Variants in DAAM2 observed in about 807,000 individuals in gnomAD.
DAAM2 encodes the protein dishevelled associated activator of morphogenesis 2.
Under a neutral mutation model 120.7 loss-of-function variants are expected in DAAM2, and 39 were observed. The observed-to-expected ratio is 0.32, with a 90% confidence interval of 0.25 to 0.42. The LOEUF (loss-of-function observed/expected upper bound fraction) is 0.42, where lower values mean the gene tolerates loss of function less well. DAAM2 is among the 10% of genes least tolerant of loss of function. The probability of loss-of-function intolerance (pLI) is 1.00; values close to 1 mark genes in which losing one functional copy is unlikely to be tolerated. For missense variants in DAAM2, 1,283 were observed against 1,401.7 expected (o/e 0.92, Z 1.35); for synonymous variants, 488 against 524.9 (o/e 0.93, Z 0.96).
At chr6:39,804,257 T>A (rs1184417669) in intron 1 of DAAM2, among the ~76,000 whole-genome samples, 1 of 152,200 alleles carries the variant, frequency 6.6e-6, no homozygotes, top group Non-Finnish European at 1.5e-5. Context: ...CTGTTGAGAC[T>A]CTTCTGTTAA....
At chr6:39,820,785 T>A (rs1762463954) in intron 1 of DAAM2, 1 of 152,274 alleles carries the variant, frequency 6.6e-6, no homozygotes, top group Non-Finnish European at 1.5e-5. Context: ...TTTCCTCATC[T>A]GTAAAATGGG....
chr6:39,888,664 G>A lies in DAAM2; in HGVS notation c.2061-15G>A, dbSNP rs1562056679. ...TTTGAGGGCTGTCCTGGATTGAGGT[G>A]GGGTTTTGCCTTAGGTTGAAGCTTT... On this transcript the variant is annotated splice_polypyrimidine_tract_variant and intron_variant, in intron 16 of 24. Transcript: ENST00000274867. 2.5e-6 allele frequency: 4 copies of A among 1,612,210 alleles called. No homozygotes were observed. Among genetic ancestry groups the A allele is most frequent in the Non-Finnish European group, 3.4e-6 (4 of 1,178,684 alleles).
chr6:39,816,239 T>G (rs1268970348), intron 1 of DAAM2, among the ~76,000 whole-genome samples: 1 of 152,246 alleles, frequency 6.6e-6, no homozygotes, highest in Admixed American at 6.5e-5. Context: ...ATGCTGATAC[T>G]GCTTATCTGA....
rs1004368338 is a variant in DAAM2 at position 39,901,071 on chromosome 6, G to A, written c.2812-231G>A. Reference sequence around the variant, plus strand: ...GCCTACCCCTTACAGGCCCAGGGGTGGCTCTAAGGTGGACTGAGTGAGCCC... The same window carrying A: ...GCCTACCCCTTACAGGCCCAGGGGTAGCTCTAAGGTGGACTGAGTGAGCCC... On this transcript the variant is annotated intron_variant, in intron 23 of 24. Transcript: ENST00000274867. This position sits in a 1 kb window ranked among gnomAD's most constrained non-coding sequence, Gnocchi z 4.5. Among the ~76,000 whole-genome samples, 1 of 152,120 alleles carries A rather than the reference G, an allele frequency of 6.6e-6. No individual in the cohort carries two copies. The highest frequency in any genetic ancestry group is 1.5e-5 in the Non-Finnish European group (1 of 68,014).
Position 39,901,081 on chromosome 6 carries a change from T to C in DAAM2, c.2812-221T>C, listed in dbSNP as rs902127338. Among the ~76,000 whole-genome samples the C allele has an allele frequency of 6.6e-6, 1 of 151,996 alleles. No homozygotes were observed. Among genetic ancestry groups the C allele is most frequent in the African/African-American group, 2.4e-5 (1 of 41,380 alleles). On this transcript the variant is annotated intron_variant, in intron 23 of 24. Coordinates refer to ENST00000274867, the MANE Select transcript of DAAM2 (RefSeq NM_001201427.2). This position sits in a 1 kb window ranked among gnomAD's most constrained non-coding sequence, Gnocchi z 4.5. Reference sequence around the variant, plus strand: ...TACAGGCCCAGGGGTGGCTCTAAGGTGGACTGAGTGAGCCCAACTCTTTAC... The same window carrying C: ...TACAGGCCCAGGGGTGGCTCTAAGGCGGACTGAGTGAGCCCAACTCTTTAC...
intron 1 of DAAM2, among the ~76,000 whole-genome samples, chr6:39,815,643 C>T (rs1028236365): frequency 1.4e-4 from 14 of 100,380 alleles, no homozygotes; most frequent in Admixed American, 1.3e-3. Flanking sequence ...ACTCCCATAC[C>T]CCTGGTTTAC....
chr6:39,856,306 G>C lies in DAAM2; in HGVS notation c.4G>C (p.Ala2Pro). The stretch of plus-strand genomic sequence containing the variant: ...CGCCCCCTGGCCTGCAGTGACCATG[G>C]CCCCCCGCAAGAGGAGCCACCATGG... The part of the protein sequence containing the change: M[A>P]PRKRSHHGLG... The change falls in exon 2 of 25, where the codon GCC (alanine) becomes CCC (proline). Residue 2 changes from alanine (A) to proline (P), a missense_variant. By Grantham distance (27) the Ala-to-Pro change is conservative. Coordinates refer to ENST00000274867, the MANE Select transcript of DAAM2 (RefSeq NM_001201427.2). 6.5e-7 allele frequency: 1 copy of C among 1,529,016 alleles called. No homozygotes were observed. The allele number at this position is 1,529,016 out of a possible 1,614,324, so 94.7% of individuals were successfully genotyped here. A position where few individuals can be genotyped will look rare whatever the true frequency, so the allele number is the denominator to read the frequency against.
At chr6:39,869,083 G>A (rs1301675638) in intron 7 of DAAM2, 150 bp downstream of exon 7, 2 of 650,146 alleles carry the variant, frequency 3.1e-6, no homozygotes, top group African/African-American at 3.6e-5. Context: ...ATCATGCACG[G>A]TGGACAGACC....
chr6:39,899,024 C>A, intron 22 of DAAM2, 87 bp downstream of exon 22: 4 of 788,808 alleles, frequency 5.1e-6, no homozygotes, highest in Admixed American at 3.3e-5. Flanking sequence ...TACACAGGGG[C>A]AAAAAACAAT....
At chr6:39,882,719 GCACA>G (rs1055877250) in intron 14 of DAAM2, among the ~76,000 whole-genome samples, 3 of 87,770 alleles carry the variant, frequency 3.4e-5, no homozygotes, top group East Asian at 9.2e-4. Flanking sequence ...ACACACACAC[GCACA>G]CACACACACA....
rs1171248176 is a variant in DAAM2 at position 39,903,863 on chromosome 6, C to T, written c.*1826C>T. Reference sequence around the variant, plus strand: ...TGAGCAAGTGCAAGCCTGGCTGACACAGGTGTGAAGAGGCCATCCTGGAAC... The same window carrying T: ...TGAGCAAGTGCAAGCCTGGCTGACATAGGTGTGAAGAGGCCATCCTGGAAC... On this transcript the variant is annotated 3_prime_UTR_variant, in exon 25 of 25. Coordinates refer to ENST00000274867, the MANE Select transcript of DAAM2 (RefSeq NM_001201427.2). The T allele has an allele frequency of 3.6e-6, 1 of 275,420 alleles. No individual in the cohort carries two copies. The highest frequency in any genetic ancestry group is 2.2e-5 in the African/African-American group (1 of 45,160). The allele number at this position is 275,420 out of a possible 1,614,324, so 17.1% of individuals were successfully genotyped here. A position where few individuals can be genotyped will look rare whatever the true frequency, so the allele number is the denominator to read the frequency against.
In DAAM2 at chr6:39,903,109, A is replaced by G. The variant is rs1766584458; in HGVS notation, c.*1072A>G. 6.6e-6 allele frequency: 1 copy of G among 152,280 alleles called. No individual in the cohort carries two copies. The allele number at this position is 152,280 out of a possible 1,614,324, so 9.4% of individuals were successfully genotyped here. On this transcript the variant is annotated 3_prime_UTR_variant, in exon 25 of 25. Coordinates refer to ENST00000274867, the MANE Select transcript of DAAM2 (RefSeq NM_001201427.2). ...GCCTCTGTCCAGCCTGCAGGTGGCC[A>G]CTTGGAACCATGTGTCCACTGGCGT... is the stretch of plus-strand genomic sequence containing the variant.
At chr6:39,847,395 C>A (rs931113275) in intron 1 of DAAM2, among the ~76,000 whole-genome samples, 1 of 152,090 alleles carries the variant, frequency 6.6e-6, no homozygotes, top group Non-Finnish European at 1.5e-5. Flanking sequence ...ACAGCAACCC[C>A]GTCTGTGTGA....
At chr6:39,826,493 C>G (rs1762678773) in intron 1 of DAAM2, among the ~76,000 whole-genome samples, 1 of 152,090 alleles carries the variant, frequency 6.6e-6, no homozygotes, top group Non-Finnish European at 1.5e-5. Flanking sequence ...CTCTCTTTTT[C>G]ATTTCCAGTG....
In DAAM2 at chr6:39,792,524, T is replaced by G. The variant is rs1219568426; in HGVS notation, c.-57+59T>G. 3.3e-5 allele frequency: 5 copies of G among 152,218 alleles called. No individual in the cohort carries two copies. The East Asian group carries it at 9.8e-4, about 30-fold the overall frequency. The allele number at this position is 152,218 out of a possible 1,614,324, so 9.4% of individuals were successfully genotyped here. A position where few individuals can be genotyped will look rare whatever the true frequency, so the allele number is the denominator to read the frequency against. On this transcript the variant is annotated intron_variant, in intron 1 of 24. Transcript: ENST00000274867. ...GGGGCCCGGGCCGCGGGGAGCCCTCTCCGCTGGGCTCCCACACTTCTCTCC... is the reference window on the plus strand; with the variant it reads ...GGGGCCCGGGCCGCGGGGAGCCCTCGCCGCTGGGCTCCCACACTTCTCTCC...
intron 19 of DAAM2, among the ~76,000 whole-genome samples, chr6:39,892,173 G>A (rs566868572): frequency 6.6e-6 from 1 of 152,326 alleles, no homozygotes; most frequent in African/African-American, 2.4e-5. Context: ...GATTTCTAAA[G>A]GCATCTGATT....
At chr6:39,804,741 G>A (rs573530278) in intron 1 of DAAM2, among the ~76,000 whole-genome samples, 1 of 152,338 alleles carries the variant, frequency 6.6e-6, no homozygotes, top group African/African-American at 2.4e-5. Flanking sequence ...AAATGGAAAT[G>A]ACAGTAATAC....
chr6:39,857,205 A>T lies in DAAM2; in HGVS notation c.168+735A>T, dbSNP rs148986196. On this transcript the variant is annotated intron_variant, in intron 2 of 24. Transcript: ENST00000274867. ...CTTTGGAGGTCTGGTGGTGAGACAAAGTCTGCACACCAAGGGAGGTCCCAG... is the reference window on the plus strand; with the variant it reads ...CTTTGGAGGTCTGGTGGTGAGACAATGTCTGCACACCAAGGGAGGTCCCAG... 7.2e-5 allele frequency among the ~76,000 whole-genome samples: 11 copies of T among 152,314 alleles called. No individual in the cohort carries two copies. The East Asian group carries it at 2.1e-3, about 29-fold the overall frequency.
chr6:39,894,539 C>T (rs138930830), intron 19 of DAAM2, among the ~76,000 whole-genome samples: 126 of 134,248 alleles, frequency 9.4e-4, no homozygotes, highest in African/African-American at 3.3e-3. Context: ...CCAAACTTTA[C>T]CCCCCTCCCT....
Sources: gnomAD v4.1 joint callset for allele counts (sites outside exome capture counted in the v4.1 genomes callset) on GRCh38, gnomAD v4.1.1 for gene constraint, Gnocchi (gnomAD v3.1) non-coding constraint, MANE v1.5 for transcripts, NCBI Gene and HGNC (gene_info 2026-07-23, HGNC 2026-07-21) for gene names.